RPGRIP1L: variants seen among roughly 807,000 people sequenced by gnomAD.
RPGRIP1L encodes the protein protein fantom.
Under a neutral mutation model 160.4 loss-of-function variants are expected in RPGRIP1L, and 131 were observed. The ratio of observed to expected loss-of-function variants is 0.82; its 90% CI spans 0.71 to 0.94. RPGRIP1L has a LOEUF of 0.94. Ranked by LOEUF, RPGRIP1L falls within the 40% of genes least tolerant of loss-of-function variation. The pLI, the probability that RPGRIP1L is intolerant of heterozygous loss-of-function variation, is 0.00. For synonymous variants in RPGRIP1L, 510 were observed against 515.8 expected, an observed-to-expected ratio of 0.99 and a Z score of 0.15; for missense variants, 1,522 against 1,535.8, an observed-to-expected ratio of 0.99 and a Z score of 0.15.
At chr16:53,697,335 CTCT>C (rs1970851211) in intron 2 of RPGRIP1L, among the ~76,000 whole-genome samples, 1 of 151,472 alleles carries the variant, frequency 6.6e-6, no homozygotes, top group Non-Finnish European at 1.5e-5. Flanking sequence ...CTCCCTCTCC[CTCT>C]CCCCACGGTC....
In RPGRIP1L at chr16:53,671,517, A is replaced by G. The variant is rs1427700065; in HGVS notation, c.1096T>C (p.Tyr366His). The change falls in exon 9 of 27, where the codon TAT becomes CAT. Residue 366 changes from tyrosine (Y) to histidine (H), a missense_variant. Transcript: ENST00000647211. ...CATGGAATCACGATTTACCTGTCAT[A>G]AAGTTTATCATAGTTTTCCTTTAAA... Reference protein sequence around the residue: ...ELLKENYDKLYDSAFSAAHEE... With the variant: ...ELLKENYDKLHDSAFSAAHEE... 6.4e-7 allele frequency: 1 copy of G among 1,571,040 alleles called. No individual in the cohort carries two copies. Among genetic ancestry groups the G allele is most frequent in the East Asian group, 2.2e-5 (1 of 44,494 alleles).
chr16:53,628,135 T>C (rs1478897382), intron 22 of RPGRIP1L: 1 of 152,046 alleles, frequency 6.6e-6, no homozygotes, highest in Admixed American at 6.6e-5. Flanking sequence ...TGTGTGTGTG[T>C]GTGTGTGTGT....
chr16:53,643,907 A>G (rs1034597775), intron 17 of RPGRIP1L, among the ~76,000 whole-genome samples: 3 of 152,242 alleles, frequency 2.0e-5, no homozygotes, highest in African/African-American at 7.2e-5. Flanking sequence ...AAGGATGACC[A>G]CATGTTAGAC....
intron 10 of RPGRIP1L, among the ~76,000 whole-genome samples, chr16:53,660,794 G>A (rs1206761162): frequency 1.3e-5 from 2 of 151,570 alleles, no homozygotes; most frequent in East Asian, 3.9e-4. Flanking sequence ...TCAGGAGGCT[G>A]AGGCAGGAGA....
chr16:53,615,416 T>G (rs1269478620), intron 24 of RPGRIP1L, among the ~76,000 whole-genome samples: 1 of 149,912 alleles, frequency 6.7e-6, no homozygotes, highest in South Asian at 2.1e-4. Flanking sequence ...GGCAAGTAAA[T>G]TCAATTTTAG....
rs1010667890 is a variant in RPGRIP1L at position 53,703,850 on chromosome 16, C to T, written c.-55G>A. ...GCTACCGTTGCTATAGCGCCGACAG[C>T]GTGGCGGGCGGCTGGCCGAGAGGAG... On this transcript the variant is annotated 5_prime_UTR_variant, in exon 1 of 27. Transcript: ENST00000647211. The T allele has an allele frequency of 4.1e-6, 2 of 489,668 alleles. No individual in the cohort carries two copies. The highest frequency in any genetic ancestry group is 2.2e-5 in the South Asian group (1 of 45,952). 30.3% of individuals were successfully genotyped at this position (489,668 alleles called of 1,614,324 possible).
At chr16:53,690,602 T>G (rs1237438423) in intron 4 of RPGRIP1L, among the ~76,000 whole-genome samples, 1 of 152,210 alleles carries the variant, frequency 6.6e-6, no homozygotes, top group Non-Finnish European at 1.5e-5. Flanking sequence ...GGACTTTAGG[T>G]GTACACCATT....
intron 9 of RPGRIP1L, among the ~76,000 whole-genome samples, chr16:53,665,274 T>G (rs1968147313): frequency 6.6e-6 from 1 of 152,168 alleles, no homozygotes; most frequent in African/African-American, 2.4e-5. Context: ...GCAGCTTTTG[T>G]GGGACTAGTA....
chr16:53,696,407 C>T lies in RPGRIP1L; in HGVS notation c.86-112G>A, dbSNP rs1970762424. 3 of 1,074,790 alleles carry T rather than the reference C, an allele frequency of 2.8e-6. No homozygotes were observed. In the African/African-American group the frequency reaches 4.7e-5, roughly 17 times the overall value. 66.6% of individuals were successfully genotyped at this position (1,074,790 alleles called of 1,614,324 possible). A position where few individuals can be genotyped will look rare whatever the true frequency, so the allele number is the denominator to read the frequency against. ...CATCTGAGATTTTTTCCTTTGTGACCTACAGTTAAGATTGCTTTAGAAAAT... is the reference window on the plus strand; with the variant it reads ...CATCTGAGATTTTTTCCTTTGTGACTTACAGTTAAGATTGCTTTAGAAAAT... On this transcript the variant is annotated intron_variant, in intron 2 of 26. Transcript: ENST00000647211.
chr16:53,638,797 G>A (rs1210449181), intron 19 of RPGRIP1L, among the ~76,000 whole-genome samples: 2 of 151,704 alleles, frequency 1.3e-5, no homozygotes, highest in South Asian at 2.1e-4. Flanking sequence ...ACATAACATA[G>A]TGTTGAGTAA....
chr16:53,666,140 C>T (rs893501461), intron 9 of RPGRIP1L, among the ~76,000 whole-genome samples: 5 of 152,258 alleles, frequency 3.3e-5, no homozygotes, highest in South Asian at 4.1e-4. Flanking sequence ...TTGCTCCCAA[C>T]TAGTCTTCAG....
At chr16:53,624,913 G>C (rs1964988202) in intron 22 of RPGRIP1L, among the ~76,000 whole-genome samples, 1 of 152,026 alleles carries the variant, frequency 6.6e-6, no homozygotes. Flanking sequence ...TTGCAGGCGT[G>C]CGCCACCACG....
At chr16:53,660,990 G>C (rs1174362350) in intron 10 of RPGRIP1L, among the ~76,000 whole-genome samples, 1 of 151,366 alleles carries the variant, frequency 6.6e-6, no homozygotes, top group Non-Finnish European at 1.5e-5. Context: ...CTTATATCTA[G>C]TTTACTAAAG....
At chr16:53,657,682 G>T in intron 12 of RPGRIP1L, 50 bp from the exon 13 acceptor site, 1 of 1,070,766 alleles carries the variant, frequency 9.3e-7, no homozygotes, top group Non-Finnish European at 1.4e-6. Context: ...TCTAAGATGT[G>T]ATTTTATGAA....
chr16:53,652,674 T>C lies in RPGRIP1L; in HGVS notation c.2013A>G (p.Gln671=). ...GGGTGATAGTATTCTTCTGAATATA[T>C]TGCAAAAATAAGTCATTAACATGAA... ...YLVHVNDLFL[Q]YIQKNTITLE... The change falls in exon 15 of 27, where the codon CAA becomes CAG. Residue 671 remains glutamine, a synonymous_variant. Coordinates refer to ENST00000647211, the MANE Select transcript of RPGRIP1L (RefSeq NM_015272.5). 1 of 1,614,012 alleles carries C rather than the reference T, an allele frequency of 6.2e-7. No individual in the cohort carries two copies. Among genetic ancestry groups the C allele is most frequent in the Non-Finnish European group, 8.5e-7 (1 of 1,179,894 alleles).
At chr16:53,681,397 C>T (rs4310844) in intron 6 of RPGRIP1L, among the ~76,000 whole-genome samples, 73,050 of 152,068 alleles carry the variant, frequency 0.48, 21,458 homozygotes, top group African/African-American at 0.82. Flanking sequence ...CTGATTTTAA[C>T]GTTCATGTAC....
At chr16:53,638,446 T>A in intron 19 of RPGRIP1L, 35 bp from the exon 20 acceptor site, 1 of 1,103,612 alleles carries the variant, frequency 9.1e-7, no homozygotes, top group Non-Finnish European at 1.4e-6. Context: ...TGTATGTCAT[T>A]TTTTATTTAT....
chr16:53,642,875 C>T (rs1470950474), intron 17 of RPGRIP1L, among the ~76,000 whole-genome samples: 1 of 152,194 alleles, frequency 6.6e-6, no homozygotes, highest in Non-Finnish European at 1.5e-5. Context: ...CAACAGCAAC[C>T]TCAATGGCAA....
chr16:53,673,751 C>T (rs530662232), intron 7 of RPGRIP1L, among the ~76,000 whole-genome samples: 63 of 151,960 alleles, frequency 4.1e-4, no homozygotes, highest in Non-Finnish European at 7.7e-4. Flanking sequence ...GGTCAATTTT[C>T]GTTTATCTTG....
Sources: gnomAD v4.1 joint callset for allele counts (sites outside exome capture counted in the v4.1 genomes callset) on GRCh38, gnomAD v4.1.1 for gene constraint, MANE v1.5 for transcripts, NCBI Gene and HGNC (gene_info 2026-07-23, HGNC 2026-07-21) for gene names.